FARS2: variants seen among roughly 807,000 people sequenced by gnomAD.
FARS2 encodes the protein phenylalanyl-tRNA synthetase 2, mitochondrial.
A neutral mutation model predicts 46.4 loss-of-function variants in FARS2; 40 were observed. The ratio of observed to expected loss-of-function variants is 0.86; its 90% confidence interval spans 0.67 to 1.12. The LOEUF (loss-of-function observed/expected upper bound fraction) is 1.12. FARS2 is among the 50% of genes most tolerant of loss of function. FARS2 has a pLI of 0.00. For synonymous variants in FARS2, 234 were observed against 214.9 expected (o/e 1.09, Z -0.78); for missense variants, 513 against 567.9 (o/e 0.90, Z 0.98).
chr6:5,537,383 C>T lies in FARS2; in HGVS notation c.905-7797C>T, dbSNP rs181566161. Among the ~76,000 whole-genome samples the T allele has an allele frequency of 1.3e-4, 20 of 152,364 alleles. No homozygotes were observed. In the East Asian group the frequency reaches 2.7e-3, roughly 21 times the overall value. On this transcript the variant is annotated intron_variant, in intron 4 of 6. Transcript: ENST00000274680. ...AGTGCTCTTTGCTCCCTCTCCACCCCAGACCCTACACAGAGCTGCGCTCCT... is the reference window on the plus strand; with the variant it reads ...AGTGCTCTTTGCTCCCTCTCCACCCTAGACCCTACACAGAGCTGCGCTCCT...
intron 1 of FARS2, among the ~76,000 whole-genome samples, chr6:5,340,696 CT>C (rs1771493796): frequency 6.6e-6 from 1 of 152,140 alleles, no homozygotes; most frequent in Admixed American, 6.5e-5. Context: ...GTTTCCGCTT[CT>C]TTCAGTAGGA....
intron 4 of FARS2, among the ~76,000 whole-genome samples, chr6:5,437,033 G>A (rs1763564477): frequency 6.6e-6 from 1 of 152,108 alleles, no homozygotes; most frequent in Non-Finnish European, 1.5e-5. Flanking sequence ...ATTCCCAACT[G>A]TTTCTCATGC....
intron 4 of FARS2, among the ~76,000 whole-genome samples, chr6:5,478,185 C>T (rs565796208): frequency 5.3e-5 from 8 of 152,280 alleles, no homozygotes; most frequent in African/African-American, 1.4e-4. Flanking sequence ...ACTGAAAGAG[C>T]GCAGATTGAT....
intron 6 of FARS2, among the ~76,000 whole-genome samples, chr6:5,757,788 C>T (rs1280911633): frequency 6.6e-6 from 1 of 152,194 alleles, no homozygotes; most frequent in African/African-American, 2.4e-5. Context: ...CCAGTGAGAT[C>T]ATGTGGGTAC....
intron 2 of FARS2, among the ~76,000 whole-genome samples, chr6:5,398,970 T>C (rs888062204): frequency 6.6e-6 from 1 of 152,080 alleles, no homozygotes; most frequent in African/African-American, 2.4e-5. Flanking sequence ...TTTCATCTTA[T>C]TTAGTTAAAA....
chr6:5,302,586 T>G (rs1581732233), intron 1 of FARS2, among the ~76,000 whole-genome samples: 1 of 152,174 alleles, frequency 6.6e-6, no homozygotes, highest in Non-Finnish European at 1.5e-5. Context: ...TTACTATCTT[T>G]TACAGATGGG....
At chr6:5,724,649 C>T (rs1760135718) in intron 6 of FARS2, among the ~76,000 whole-genome samples, 1 of 152,230 alleles carries the variant, frequency 6.6e-6, no homozygotes, top group African/African-American at 2.4e-5. Flanking sequence ...CTAAGACTGT[C>T]CCTCACGGAA....
rs1356043339 is a variant in FARS2 at position 5,461,609 on chromosome 6, G to C, written c.904+30437G>C. ...GGGTCTCACTGCTGTTGCCCAGACA[G>C]GAGTGCAGTGGTGCGATCCACTATT... On this transcript the variant is annotated intron_variant, in intron 4 of 6. Transcript: ENST00000274680. Among the ~76,000 whole-genome samples, 3 of 152,082 alleles carry C rather than the reference G, an allele frequency of 2.0e-5. No homozygotes were observed. In the East Asian group the frequency reaches 5.8e-4, roughly 29 times the overall value.
At chr6:5,312,409 A>G (rs1388518534) in intron 1 of FARS2, among the ~76,000 whole-genome samples, 1 of 152,060 alleles carries the variant, frequency 6.6e-6, no homozygotes, top group African/African-American at 2.4e-5. Flanking sequence ...AATTTTCTTT[A>G]TTATCTGAGG....
chr6:5,445,096 C>T (rs184323253), intron 4 of FARS2, among the ~76,000 whole-genome samples: 2 of 152,186 alleles, frequency 1.3e-5, no homozygotes, highest in African/African-American at 4.8e-5. Flanking sequence ...TGTTGTATAG[C>T]ACCACATAGA....
At chr6:5,684,907 C>T (rs1440480414) in intron 6 of FARS2, among the ~76,000 whole-genome samples, 1 of 152,202 alleles carries the variant, frequency 6.6e-6, no homozygotes, top group African/African-American at 2.4e-5. Context: ...ATTCACCAGC[C>T]AGGGAAGAAT....
chr6:5,519,534 TAGAC>T (rs144106857), intron 4 of FARS2, among the ~76,000 whole-genome samples: 21,017 of 151,998 alleles, frequency 0.14, 1,466 homozygotes, highest in South Asian at 0.19. Flanking sequence ...GTCATGATTT[TAGAC>T]AGACTGCTGA....
At chr6:5,338,078 G>C (rs1302200601) in intron 1 of FARS2, among the ~76,000 whole-genome samples, 1 of 151,288 alleles carries the variant, frequency 6.6e-6, no homozygotes, top group African/African-American at 2.4e-5. Flanking sequence ...ATGGAAACTT[G>C]GTTATATTGA....
At chr6:5,455,021 A>T (rs1764758237) in intron 4 of FARS2, among the ~76,000 whole-genome samples, 1 of 152,184 alleles carries the variant, frequency 6.6e-6, no homozygotes, top group Non-Finnish European at 1.5e-5. Flanking sequence ...CAAGACTGCA[A>T]GTGCCCTGAG....
At chr6:5,454,238 C>A (rs925381322) in intron 4 of FARS2, among the ~76,000 whole-genome samples, 5 of 148,130 alleles carry the variant, frequency 3.4e-5, no homozygotes, top group Admixed American at 2.0e-4. Context: ...TTTCTGCTGT[C>A]ACTTGTGAAT....
chr6:5,742,568 G>A (rs1025011495), intron 6 of FARS2, among the ~76,000 whole-genome samples: 3 of 151,978 alleles, frequency 2.0e-5, no homozygotes, highest in Non-Finnish European at 4.4e-5. Flanking sequence ...TCTGTACAAA[G>A]TTTCCTCTTA....
intron 4 of FARS2, among the ~76,000 whole-genome samples, chr6:5,442,478 C>CA (rs1238677404): frequency 6.6e-6 from 1 of 151,584 alleles, no homozygotes; most frequent in East Asian, 1.9e-4. Flanking sequence ...CATCATTCTC[C>CA]AAAAAAGTCA....
At chr6:5,491,339 A>AT (rs1349803245) in intron 4 of FARS2, among the ~76,000 whole-genome samples, 1 of 152,142 alleles carries the variant, frequency 6.6e-6, no homozygotes, top group Non-Finnish European at 1.5e-5. Context: ...TCTATAAGAG[A>AT]TGAGAATCCT....
chr6:5,503,401 CACACAGAG>C (rs373646608), intron 4 of FARS2, among the ~76,000 whole-genome samples: 10,362 of 105,888 alleles, frequency 0.098, 559 homozygotes, highest in African/African-American at 0.25. Context: ...CACACACACA[CACACAGAG>C]AGAGAGAGAG....
Sources: gnomAD v4.1 joint callset for allele counts (sites outside exome capture counted in the v4.1 genomes callset) on GRCh38, gnomAD v4.1.1 for gene constraint, MANE v1.5 for transcripts, NCBI Gene and HGNC (gene_info 2026-07-23, HGNC 2026-07-21) for gene names.